The following PHF2 variants were observed in gnomAD, a reference collection of about 807,000 sequenced individuals.
PHF2 encodes the protein PHD finger protein 2, also known as lysine-specific demethylase PHF2.
PHF2 carries 27 observed loss-of-function variants against 120.5 expected under a neutral mutation model. The ratio of observed to expected loss-of-function variants is 0.22; its 90% confidence interval spans 0.17 to 0.31. PHF2 has a LOEUF of 0.31. Ranked by LOEUF, PHF2 falls within the 10% of genes least tolerant of loss-of-function variation. The probability of loss-of-function intolerance (pLI) is 1.00; values close to 1 mark genes in which losing one functional copy is unlikely to be tolerated. For missense variants in PHF2, 1,024 were observed against 1,434.8 expected, an observed-to-expected ratio of 0.71 and a Z score of 4.63; for synonymous variants, 568 against 592.5, an observed-to-expected ratio of 0.96 and a Z score of 0.60.
At chr9:93,591,220 C>T (rs10122030) in intron 1 of PHF2, among the ~76,000 whole-genome samples, 124,438 of 152,256 alleles carry the variant, frequency 0.82, 50,959 homozygotes, top group East Asian at 0.88. Flanking sequence ...GTCATAACCA[C>T]TTATGGCCAC....
In PHF2 at chr9:93,667,102, G is replaced by T. The variant is rs773695233; in HGVS notation, c.2210G>T (p.Gly737Val). 10 of 1,613,012 alleles carry T rather than the reference G, an allele frequency of 6.2e-6. No homozygotes were observed. Among genetic ancestry groups the T allele is most frequent in the Non-Finnish European group, 6.8e-6 (8 of 1,179,964 alleles). The change falls in exon 17 of 22, where the codon GGT (glycine) becomes GTT (valine). Residue 737 changes from glycine (G) to valine (V), a missense_variant. By Grantham distance (109) the Gly-to-Val change is moderately radical. Coordinates refer to ENST00000359246, the MANE Select transcript of PHF2 (RefSeq NM_005392.4). ...CAGAGTGATGACTCCTCGGACGAGG[G>T]TTCGCTGCACATCGACACAGACACC... ...AYKSDDSSDE[G>V]SLHIDTDTKP...
chr9:93,642,940 C>A (rs1194023510), intron 3 of PHF2, among the ~76,000 whole-genome samples: 4 of 151,942 alleles, frequency 2.6e-5, no homozygotes, highest in African/African-American at 9.7e-5. Flanking sequence ...TCAATATTGC[C>A]TGGTCTTTTT....
At chr9:93,629,227 A>G (rs989608546) in intron 1 of PHF2, among the ~76,000 whole-genome samples, 1 of 152,238 alleles carries the variant, frequency 6.6e-6, no homozygotes, top group Non-Finnish European at 1.5e-5. Context: ...TAAAAAAAGT[A>G]TCAGAATAAA....
chr9:93,643,135 C>T (rs913940761), intron 3 of PHF2, among the ~76,000 whole-genome samples: 1 of 152,090 alleles, frequency 6.6e-6, no homozygotes, highest in Non-Finnish European at 1.5e-5. Context: ...GGGCATGGTG[C>T]TTCAGAGGGG....
In PHF2 at chr9:93,597,725, G is replaced by A. The variant is rs111266558; in HGVS notation, c.98+20854G>A. Among the ~76,000 whole-genome samples, 915 of 152,278 alleles carry A rather than the reference G, an allele frequency of 6.0e-3. 6 individuals are homozygous for A. Among genetic ancestry groups the A allele is most frequent in the Non-Finnish European group, 8.8e-3 (600 of 68,024 alleles). On this transcript the variant is annotated intron_variant, in intron 1 of 21. Coordinates refer to ENST00000359246, the MANE Select transcript of PHF2 (RefSeq NM_005392.4). The stretch of plus-strand genomic sequence containing the variant: ...TGGAACCTACCCTTAGGCCTATGTG[G>A]CACTGCAGTCACCTTGCTGCTGAGC...
intron 12 of PHF2, among the ~76,000 whole-genome samples, chr9:93,662,556 ATGGATGGATGG>A (rs1826591933): frequency 7.4e-6 from 1 of 135,606 alleles, no homozygotes; most frequent in Non-Finnish European, 1.7e-5. Context: ...GGATGGATGG[ATGGATGGATGG>A]ATGGATGAAC....
chr9:93,608,354 G>A (rs1043484871), intron 1 of PHF2, among the ~76,000 whole-genome samples: 13 of 148,970 alleles, frequency 8.7e-5, no homozygotes, highest in African/African-American at 2.0e-4. Context: ...TTTGTACATC[G>A]TTGGTTTTTG....
chr9:93,661,155 A>T (rs1587713600), intron 12 of PHF2, among the ~76,000 whole-genome samples: 1 of 152,202 alleles, frequency 6.6e-6, no homozygotes, highest in East Asian at 1.9e-4. Context: ...CAGTGAAGAG[A>T]TGGGCCCAGC....
chr9:93,660,648 C>T, intron 12 of PHF2, 88 bp downstream of exon 12: 2 of 1,281,742 alleles, frequency 1.6e-6, no homozygotes, highest in Non-Finnish European at 2.1e-6. Context: ...ATAGCTAGGG[C>T]CCATTGTCCT....
rs775422938 is a variant in PHF2 at position 93,677,687 on chromosome 9, G to A, written c.*11G>A. Reference sequence around the variant, plus strand: ...AAACTACTCCTTTAAGATTTGGAAAGCCAGGATCCTTCTGCTCCGCTCAGG... The same window carrying A: ...AAACTACTCCTTTAAGATTTGGAAAACCAGGATCCTTCTGCTCCGCTCAGG... On this transcript the variant is annotated 3_prime_UTR_variant, in exon 22 of 22. Transcript: ENST00000359246. This position sits in a 1 kb window ranked among gnomAD's most constrained non-coding sequence, Gnocchi z 4.4. The A allele has an allele frequency of 6.2e-7, 1 of 1,607,678 alleles. No homozygotes were observed. The highest frequency in any genetic ancestry group is 1.1e-5 in the South Asian group (1 of 90,934).
chr9:93,679,156 A>T lies in PHF2; in HGVS notation c.*1480A>T. ...AGCTTTTTATATTTGTACATTTCTT[A>T]TGAGCTTTGTTTATATACCCATTAC... On this transcript the variant is annotated 3_prime_UTR_variant, in exon 22 of 22. Coordinates refer to ENST00000359246, the MANE Select transcript of PHF2 (RefSeq NM_005392.4). 4.7e-6 allele frequency: 2 copies of T among 426,996 alleles called. No homozygotes were observed. Among genetic ancestry groups the T allele is most frequent in the South Asian group, 3.4e-5 (2 of 59,000 alleles). 26.5% of individuals were successfully genotyped at this position (426,996 alleles called of 1,614,324 possible).
At chr9:93,605,004 T>C (rs1187077924) in intron 1 of PHF2, among the ~76,000 whole-genome samples, 1 of 152,192 alleles carries the variant, frequency 6.6e-6, no homozygotes, top group Non-Finnish European at 1.5e-5. Flanking sequence ...GATTTATTTT[T>C]AATAGACTTA....
chr9:93,630,917 A>G (rs1825991003), intron 2 of PHF2, among the ~76,000 whole-genome samples: 1 of 152,124 alleles, frequency 6.6e-6, no homozygotes, highest in Admixed American at 6.5e-5. Flanking sequence ...GGGTCAGCTG[A>G]TCACATCTCT....
Position 93,679,030 on chromosome 9 carries a change from G to T in PHF2, c.*1354G>T, listed in dbSNP as rs1826973381. On this transcript the variant is annotated 3_prime_UTR_variant, in exon 22 of 22. Transcript: ENST00000359246. The stretch of plus-strand genomic sequence containing the variant: ...TCTTCAACTTTAATACCAGCTCTTT[G>T]TTTTCCTTGTATGATGAGGGGATTG... The T allele has an allele frequency of 6.0e-6, 2 of 333,426 alleles. No individual in the cohort carries two copies. The highest frequency in any genetic ancestry group is 4.6e-5 in the South Asian group (2 of 43,628). The allele number at this position is 333,426 out of a possible 1,614,324, so 20.7% of individuals were successfully genotyped here.
chr9:93,656,686 G>C lies in PHF2; in HGVS notation c.1147+91G>C. 1.2e-6 allele frequency: 1 copy of C among 847,842 alleles called. No individual in the cohort carries two copies. The highest frequency in any genetic ancestry group is 2.0e-6 in the Non-Finnish European group (1 of 512,798). 52.5% of individuals were successfully genotyped at this position (847,842 alleles called of 1,614,324 possible). On this transcript the variant is annotated intron_variant, in intron 9 of 21. Transcript: ENST00000359246. The surrounding 1 kb of genome is among the most constrained non-coding windows in gnomAD (Gnocchi z 4.1). ...GTCAGGGCTGACTGTCTGGGTGTGA[G>C]TGCCGCCTTCCTGTGGCCTGAGCAA... is the stretch of plus-strand genomic sequence containing the variant.
Position 93,661,755 on chromosome 9 carries a change from G to A in PHF2, c.1699-1152G>A, listed in dbSNP as rs192514217. On this transcript the variant is annotated intron_variant, in intron 12 of 21. Transcript: ENST00000359246. ...GATGAGTGGGTAGATGGATGGATGA[G>A]TGCATAAGATGGATGGGTAGATGGA... Among the ~76,000 whole-genome samples, 344 of 151,418 alleles carry A rather than the reference G, an allele frequency of 2.3e-3. 1 individual carries two copies. The highest frequency in any genetic ancestry group is 7.9e-3 in the African/African-American group (326 of 41,258).
intron 14 of PHF2, among the ~76,000 whole-genome samples, chr9:93,663,984 G>T (rs1826628560): frequency 6.6e-6 from 1 of 152,242 alleles, no homozygotes; most frequent in African/African-American, 2.4e-5. Context: ...TGTAGTGTGG[G>T]TGTGAGGAAG....
chr9:93,577,476 C>A (rs971941723), intron 1 of PHF2, among the ~76,000 whole-genome samples: 1 of 152,072 alleles, frequency 6.6e-6, no homozygotes. Flanking sequence ...TGGACCTTGT[C>A]CCCGAGGGCA....
At chr9:93,671,148 G>A (rs10992845) in intron 17 of PHF2, 84,798 of 947,542 alleles carry the variant, frequency 0.089, 4,766 homozygotes, top group African/African-American at 0.2. Context: ...GCAGATGCAG[G>A]TGTGGATGTA....
Sources: gnomAD v4.1 joint callset for allele counts (sites outside exome capture counted in the v4.1 genomes callset) on GRCh38, gnomAD v4.1.1 for gene constraint, Gnocchi (gnomAD v3.1) non-coding constraint, MANE v1.5 for transcripts, NCBI Gene and HGNC (gene_info 2026-07-23, HGNC 2026-07-21) for gene names.